CDC42BPA: variants seen among roughly 807,000 people sequenced by gnomAD.
CDC42BPA encodes the protein serine/threonine-protein kinase MRCK alpha.
In CDC42BPA, 80 loss-of-function variants were observed where a neutral mutation model predicts 223.5. The ratio of observed to expected loss-of-function variants is 0.36; its 90% CI spans 0.30 to 0.43. The LOEUF is 0.43. Among genes scored for constraint, CDC42BPA ranks in the 20% least tolerant of loss-of-function variants. CDC42BPA has a pLI of 1.00. For synonymous variants in CDC42BPA, 694 were observed against 718.6 expected (o/e 0.97, Z 0.55); for missense variants, 1,743 against 2,099.9 (o/e 0.83, Z 3.32).
At chr1:227,047,252 C>A (rs937732749) in intron 23 of CDC42BPA, among the ~76,000 whole-genome samples, 1 of 152,120 alleles carries the variant, frequency 6.6e-6, no homozygotes, top group Non-Finnish European at 1.5e-5. Context: ...TACTTCTTAT[C>A]TCTTTAAGGA....
At chr1:227,113,625 A>G (rs1039517142) in intron 12 of CDC42BPA, among the ~76,000 whole-genome samples, 2 of 152,164 alleles carry the variant, frequency 1.3e-5, no homozygotes, top group African/African-American at 4.8e-5. Flanking sequence ...ATTTCAAGGA[A>G]TAAAGGATGA....
At chr1:227,306,145 T>C (rs1484791431) in intron 1 of CDC42BPA, among the ~76,000 whole-genome samples, 2 of 151,516 alleles carry the variant, frequency 1.3e-5, no homozygotes, top group African/African-American at 2.4e-5. Context: ...GTGGTTTTTT[T>C]TTTTTTTTTT....
chr1:227,208,276 T>A (rs920744647), intron 3 of CDC42BPA, among the ~76,000 whole-genome samples: 9 of 150,972 alleles, frequency 6.0e-5, no homozygotes, highest in African/African-American at 2.2e-4. Flanking sequence ...TTTGAGTAGG[T>A]TGCAAAAATG....
chr1:227,297,952 G>A (rs75412422), intron 1 of CDC42BPA, among the ~76,000 whole-genome samples: 2,176 of 80,300 alleles, frequency 0.027, 68 homozygotes, highest in African/African-American at 0.085. Flanking sequence ...GTGTGTGTGT[G>A]TGTATATATA....
At chr1:227,259,661 A>AGGCCTAAACATAGTATGTGACTTGCT (rs1683712008) in intron 1 of CDC42BPA, among the ~76,000 whole-genome samples, 1 of 150,938 alleles carries the variant, frequency 6.6e-6, no homozygotes, top group African/African-American at 2.5e-5. Flanking sequence ...TAATATTATA[A>AGGCCTAAACATAGTATGTGACTTGCT]GGCCTAAACA....
intron 2 of CDC42BPA, among the ~76,000 whole-genome samples, chr1:227,239,587 T>G (rs1240969342): frequency 6.6e-6 from 1 of 152,158 alleles, no homozygotes; most frequent in South Asian, 2.1e-4. Flanking sequence ...CTCTAAAATA[T>G]AAAGTCTATT....
chr1:227,299,765 C>G (rs181923556), intron 1 of CDC42BPA, among the ~76,000 whole-genome samples: 357 of 152,154 alleles, frequency 2.3e-3, no homozygotes, highest in Non-Finnish European at 3.0e-3. Context: ...ATAAAAACGA[C>G]CTTGAGCAAC....
chr1:227,178,844 T>C (rs1667416641), intron 5 of CDC42BPA, among the ~76,000 whole-genome samples: 1 of 152,172 alleles, frequency 6.6e-6, no homozygotes, highest in African/African-American at 2.4e-5. Context: ...CAGTTGCCAT[T>C]AGTTGTTTTT....
At chr1:227,297,794 G>A (rs1690900141) in intron 1 of CDC42BPA, among the ~76,000 whole-genome samples, 1 of 151,756 alleles carries the variant, frequency 6.6e-6, no homozygotes, top group Non-Finnish European at 1.5e-5. Context: ...AGGAGAGAAT[G>A]TAGAGTTGTT....
chr1:227,111,578 G>A (rs1423039416), intron 14 of CDC42BPA, among the ~76,000 whole-genome samples: 1 of 152,106 alleles, frequency 6.6e-6, no homozygotes, highest in Admixed American at 6.6e-5. Flanking sequence ...TCCACCTCCC[G>A]GGTTCAAGCA....
chr1:227,061,084 A>T (rs922852400), intron 21 of CDC42BPA, among the ~76,000 whole-genome samples: 3 of 152,150 alleles, frequency 2.0e-5, no homozygotes, highest in African/African-American at 7.2e-5. Context: ...TGTCCTGCAG[A>T]GTTAATAGTA....
chr1:227,152,144 T>C (rs1345187498), intron 6 of CDC42BPA, among the ~76,000 whole-genome samples: 1 of 152,106 alleles, frequency 6.6e-6, no homozygotes, highest in Non-Finnish European at 1.5e-5. Context: ...TTATTAGACA[T>C]ATGATTTGCA....
chr1:227,112,511 A>G, intron 13 of CDC42BPA, 89 bp from the exon 14 acceptor site: 3 of 1,058,372 alleles, frequency 2.8e-6, no homozygotes, highest in Non-Finnish European at 4.0e-6. Flanking sequence ...ACCTTGTAAC[A>G]GGAAGATAAT....
chr1:227,076,640 T>TA (rs1679543493), intron 17 of CDC42BPA, among the ~76,000 whole-genome samples: 1 of 152,252 alleles, frequency 6.6e-6, no homozygotes. Context: ...AAACCAGTTT[T>TA]AGAGGTAGGT....
At position 227,228,928 on chromosome 1, in the gene CDC42BPA, T is replaced by C. The variant is rs118085282; in HGVS notation, c.271-15709A>G. Reference sequence around the variant, plus strand: ...TTTTAACACAGACACTGGGCCCTCATCAGATACATGATTTGCAAATATTTT... The same window carrying C: ...TTTTAACACAGACACTGGGCCCTCACCAGATACATGATTTGCAAATATTTT... On this transcript the variant is annotated intron_variant, in intron 2 of 36. Coordinates refer to ENST00000366766, the MANE Select transcript of CDC42BPA (RefSeq NM_001394014.1). Among the ~76,000 whole-genome samples, 334 of 152,328 alleles carry C rather than the reference T, an allele frequency of 2.2e-3. 9 individuals are homozygous for C. The East Asian group carries it at 0.046, about 21-fold the overall frequency.
intron 5 of CDC42BPA, among the ~76,000 whole-genome samples, chr1:227,174,264 A>C (rs1666584086): frequency 6.6e-6 from 1 of 152,174 alleles, no homozygotes; most frequent in Admixed American, 6.5e-5. Context: ...GCAATATGAA[A>C]AATTCCAATT....
At chr1:227,188,366 A>G (rs1669171277) in intron 5 of CDC42BPA, among the ~76,000 whole-genome samples, 1 of 151,848 alleles carries the variant, frequency 6.6e-6, no homozygotes, top group South Asian at 2.1e-4. Context: ...ACCATTAAGA[A>G]AAGTTAAAAA....
At chr1:227,246,530 A>C (rs1572611000) in intron 2 of CDC42BPA, among the ~76,000 whole-genome samples, 2 of 152,318 alleles carry the variant, frequency 1.3e-5, no homozygotes, top group African/African-American at 4.8e-5. Flanking sequence ...TACAGAAAGA[A>C]AGACCCAATA....
At chr1:227,007,016 T>TG (rs776141566) in intron 34 of CDC42BPA, among the ~76,000 whole-genome samples, 3 of 151,992 alleles carry the variant, frequency 2.0e-5, no homozygotes, top group African/African-American at 2.4e-5. Flanking sequence ...TGCTTGGTGG[T>TG]GGGGGGATCA....
Sources: allele counts gnomAD v4.1 joint callset (sites outside exome capture counted in the v4.1 genomes callset), GRCh38; gene constraint gnomAD v4.1.1; transcripts MANE v1.5; gene names NCBI Gene and HGNC (gene_info 2026-07-23, HGNC 2026-07-21).